Variants in RALYL observed in about 807,000 individuals in gnomAD.
The protein encoded by RALYL is RNA-binding Raly-like protein.
Under a neutral mutation model 35.1 loss-of-function variants are expected in RALYL, and 29 were observed. The observed-to-expected ratio is 0.83, with a 90% CI of 0.61 to 1.13. RALYL has a LOEUF of 1.13. Among genes scored for constraint, RALYL ranks in the 50% most tolerant of loss-of-function variants. The pLI is 0.00. For missense variants in RALYL, 359 were observed against 360.4 expected, an observed-to-expected ratio of 1.00 and a Z score of 0.03; for synonymous variants, 120 against 127.6, an observed-to-expected ratio of 0.94 and a Z score of 0.40.
At chr8:84,203,249 C>A (rs562234335) in intron 1 of RALYL, among the ~76,000 whole-genome samples, 1 of 151,916 alleles carries the variant, frequency 6.6e-6, no homozygotes, top group Non-Finnish European at 1.5e-5. Context: ...TTGAAAAGAA[C>A]CATTTGGTGT....
chr8:84,629,291 A>G (rs545526960), intron 2 of RALYL, among the ~76,000 whole-genome samples: 4 of 152,200 alleles, frequency 2.6e-5, no homozygotes, highest in African/African-American at 9.6e-5. Flanking sequence ...GGGGCTCAAT[A>G]AACTTTTCTT....
chr8:84,344,881 T>C (rs1849526397), intron 1 of RALYL, among the ~76,000 whole-genome samples: 1 of 152,072 alleles, frequency 6.6e-6, no homozygotes, highest in African/African-American at 2.4e-5. Context: ...ATTTCCTTCT[T>C]TTTTCAAGGC....
chr8:84,498,208 T>G (rs1440467683), intron 1 of RALYL, among the ~76,000 whole-genome samples: 1 of 152,040 alleles, frequency 6.6e-6, no homozygotes, highest in African/African-American at 2.4e-5. Flanking sequence ...CACAGATGTA[T>G]AAATTTGAAA....
intron 6 of RALYL, among the ~76,000 whole-genome samples, chr8:84,862,716 T>C (rs561915963): frequency 7.9e-5 from 12 of 152,360 alleles, no homozygotes; most frequent in African/African-American, 2.9e-4. Flanking sequence ...AACACTGTGC[T>C]CTTGGCTTAG....
intron 1 of RALYL, among the ~76,000 whole-genome samples, chr8:84,384,753 C>T (rs1185835825): frequency 6.6e-6 from 1 of 151,674 alleles, no homozygotes; most frequent in Admixed American, 6.6e-5. Context: ...GACACCAGTC[C>T]GTCCTAGGTA....
intron 7 of RALYL, among the ~76,000 whole-genome samples, chr8:84,885,728 G>C (rs1842835037): frequency 6.6e-6 from 1 of 152,030 alleles, no homozygotes; most frequent in South Asian, 2.1e-4. Flanking sequence ...GCCTTGGTTT[G>C]ATCTACCAGC....
At chr8:84,841,373 G>T (rs1457665136) in intron 4 of RALYL, among the ~76,000 whole-genome samples, 1 of 152,034 alleles carries the variant, frequency 6.6e-6, no homozygotes, top group African/African-American at 2.4e-5. Context: ...GACAAAGAAG[G>T]CCATTACATA....
intron 1 of RALYL, among the ~76,000 whole-genome samples, chr8:84,406,469 T>A (rs1268343570): frequency 6.6e-6 from 1 of 151,828 alleles, no homozygotes; most frequent in Non-Finnish European, 1.5e-5. Flanking sequence ...TATCTTCTGC[T>A]TGGTTTACTA....
intron 3 of RALYL, among the ~76,000 whole-genome samples, chr8:84,780,223 C>T (rs368741078): frequency 8.5e-5 from 13 of 152,110 alleles, no homozygotes; most frequent in African/African-American, 2.7e-4. Flanking sequence ...TTCTCCTACC[C>T]GCCATATTAA....
chr8:84,529,630 T>G (rs1353154881), intron 2 of RALYL, 53 bp downstream of exon 2: 1 of 1,540,162 alleles, frequency 6.5e-7, no homozygotes, highest in African/African-American at 1.4e-5. Context: ...ATCTGGAAAT[T>G]GTTTTATTTC....
chr8:84,723,225 G>A (rs144254626), intron 2 of RALYL, among the ~76,000 whole-genome samples: 7 of 152,090 alleles, frequency 4.6e-5, no homozygotes, highest in African/African-American at 1.2e-4. Flanking sequence ...CTTAGGCTTG[G>A]TTCAGGCCCT....
chr8:84,541,698 C>T (rs991101748), intron 2 of RALYL, among the ~76,000 whole-genome samples: 1 of 151,900 alleles, frequency 6.6e-6, no homozygotes, highest in African/African-American at 2.4e-5. Flanking sequence ...TGTTTATCTT[C>T]TTAGTTCTTT....
intron 4 of RALYL, among the ~76,000 whole-genome samples, chr8:84,815,894 C>T (rs186296643): frequency 2.6e-5 from 4 of 151,704 alleles, no homozygotes; most frequent in East Asian, 3.9e-4. Flanking sequence ...ATTAGCTGGA[C>T]GTGGTGGTGT....
At chr8:84,182,908 A>G (rs1811646695), upstream of RALYL, 1 of 152,422 alleles carries the variant, frequency 6.6e-6, no homozygotes, top group Admixed American at 6.5e-5. Context: ...TTGAATAGTA[A>G]AACTTCCAGA....
chr8:84,678,424 C>T (rs1036876231), intron 2 of RALYL, among the ~76,000 whole-genome samples: 5 of 152,000 alleles, frequency 3.3e-5, no homozygotes, highest in Non-Finnish European at 2.9e-5. Flanking sequence ...CCACCACACC[C>T]GGATAATTTT....
At chr8:84,542,333 GTATAA>G (rs747717118) in intron 2 of RALYL, among the ~76,000 whole-genome samples, 8 of 151,986 alleles carry the variant, frequency 5.3e-5, no homozygotes, top group East Asian at 1.9e-4. Flanking sequence ...GTGTGTATAT[GTATAA>G]TATATGTTTC....
At chr8:84,876,453 T>C (rs1423027924) in intron 7 of RALYL, among the ~76,000 whole-genome samples, 7 of 152,218 alleles carry the variant, frequency 4.6e-5, no homozygotes, top group African/African-American at 1.7e-4. Flanking sequence ...GCCTCATTGT[T>C]AGATGATTCT....
chr8:84,629,325 T>C (rs1823435340), intron 2 of RALYL, among the ~76,000 whole-genome samples: 1 of 152,092 alleles, frequency 6.6e-6, no homozygotes. Flanking sequence ...TAAAAGTGAC[T>C]ACAATATTGT....
At chr8:84,461,143 A>G (rs1269719987) in intron 1 of RALYL, among the ~76,000 whole-genome samples, 1 of 151,602 alleles carries the variant, frequency 6.6e-6, no homozygotes, top group African/African-American at 2.4e-5. Context: ...CTAAAAGATT[A>G]CTCTGAGATA....
Sources: allele counts gnomAD v4.1 joint callset (sites outside exome capture counted in the v4.1 genomes callset), GRCh38; gene constraint gnomAD v4.1.1; transcripts MANE v1.5; gene names NCBI Gene and HGNC (gene_info 2026-07-23, HGNC 2026-07-21).